The following JAK1 variants were observed in gnomAD, a reference collection of about 807,000 sequenced individuals.
The protein encoded by JAK1 is tyrosine-protein kinase JAK1.
Under a neutral mutation model 136.6 loss-of-function variants are expected in JAK1, and 16 were observed. The observed-to-expected ratio is 0.12, with a 90% confidence interval of 0.08 to 0.18. JAK1 has a LOEUF of 0.18. Among genes scored for constraint, JAK1 ranks in the 10% least tolerant of loss-of-function variants. The probability of loss-of-function intolerance (pLI) is 1.00; values close to 1 mark genes in which losing one functional copy is unlikely to be tolerated. For synonymous variants in JAK1, 492 were observed against 519.5 expected (o/e 0.95, Z 0.72); for missense variants, 859 against 1,450.1 (o/e 0.59, Z 6.62).
At chr1:64,994,974 A>AAAAAAAAACAAAAAAAAC (rs1557749011) in intron 2 of JAK1, 15 of 151,526 alleles carry the variant, frequency 9.9e-5, no homozygotes, top group African/African-American at 3.4e-4. Context: ...AAAAAAAAAA[A>AAAAAAAAACAAAAAAAAC]AAAAAAACCT....
upstream of JAK1, among the ~76,000 whole-genome samples, chr1:64,968,377 G>T (rs947871437): frequency 2.0e-5 from 3 of 152,140 alleles, no homozygotes; most frequent in African/African-American, 7.2e-5. Flanking sequence ...AGTGATTCCC[G>T]GTCCTGTAAT....
At chr1:64,936,354 A>C (rs1645789281) in intron 1 of JAK1, among the ~76,000 whole-genome samples, 1 of 152,220 alleles carries the variant, frequency 6.6e-6, no homozygotes, top group African/African-American at 2.4e-5. Context: ...TTTGGTATTT[A>C]AGATAAAAAT....
intron 2 of JAK1, among the ~76,000 whole-genome samples, chr1:65,027,193 C>T (rs1646985599): frequency 6.6e-6 from 1 of 151,496 alleles, no homozygotes; most frequent in Non-Finnish European, 1.5e-5. Flanking sequence ...ACTACAGGTG[C>T]ACACCACCAC....
chr1:64,985,935 G>A, intron 2 of JAK1: 2 of 883,342 alleles, frequency 2.3e-6, no homozygotes, highest in Admixed American at 1.8e-5. Context: ...CATCTCAGAG[G>A]GAGGGGTATT....
intron 1 of JAK1, among the ~76,000 whole-genome samples, chr1:64,917,107 C>T (rs1346380423): frequency 6.6e-6 from 1 of 151,932 alleles, no homozygotes. Flanking sequence ...TGGGAAATTT[C>T]ATAACATTGG....
At chr1:65,010,928 T>C (rs569788754) in intron 2 of JAK1, among the ~76,000 whole-genome samples, 2 of 152,224 alleles carry the variant, frequency 1.3e-5, no homozygotes, top group South Asian at 2.1e-4. Flanking sequence ...TTTGTGGCTG[T>C]AGTGAGCTAT....
chr1:65,022,263 T>C (rs1048767251), intron 2 of JAK1, among the ~76,000 whole-genome samples: 5 of 152,250 alleles, frequency 3.3e-5, no homozygotes, highest in Non-Finnish European at 7.3e-5. Flanking sequence ...TTGTGTAATG[T>C]CCCCTCTCCT....
intron 1 of JAK1, among the ~76,000 whole-genome samples, chr1:64,965,092 T>C (rs1045337288): frequency 1.3e-5 from 2 of 152,010 alleles, no homozygotes; most frequent in African/African-American, 4.8e-5. Context: ...ATACCCATAT[T>C]TAACTCAAAT....
At chr1:65,053,384 T>A (rs1293541564) in intron 1 of JAK1, among the ~76,000 whole-genome samples, 3 of 152,062 alleles carry the variant, frequency 2.0e-5, no homozygotes, top group Admixed American at 6.6e-5. Flanking sequence ...CTGGTAATGG[T>A]GAAGACAAAG....
intron 1 of JAK1, among the ~76,000 whole-genome samples, chr1:64,950,597 T>C (rs1441990772): frequency 3.3e-5 from 5 of 152,288 alleles, no homozygotes; most frequent in African/African-American, 1.2e-4. Context: ...ACTGAGCACC[T>C]AGAACATCTC....
chr1:65,048,770 C>T (rs1379198147), intron 1 of JAK1, among the ~76,000 whole-genome samples: 4 of 152,198 alleles, frequency 2.6e-5, no homozygotes, highest in East Asian at 1.9e-4. Flanking sequence ...TCTGTAGCGT[C>T]GTCCCTTTGC....
At chr1:64,865,546 G>A (rs1238522145) in intron 7 of JAK1, among the ~76,000 whole-genome samples, 1 of 152,184 alleles carries the variant, frequency 6.6e-6, no homozygotes, top group African/African-American at 2.4e-5. Flanking sequence ...TTAAGTTCCT[G>A]CCTCTGCCAA....
At chr1:64,874,104 A>G (rs1289976600) in intron 4 of JAK1, among the ~76,000 whole-genome samples, 1 of 152,136 alleles carries the variant, frequency 6.6e-6, no homozygotes, top group Non-Finnish European at 1.5e-5. Context: ...CTTTATATAT[A>G]TTATGTTATT....
chr1:64,910,290 T>C (rs1270248734), intron 1 of JAK1, among the ~76,000 whole-genome samples: 1 of 152,042 alleles, frequency 6.6e-6, no homozygotes, highest in Non-Finnish European at 1.5e-5. Flanking sequence ...GCTTTCCACA[T>C]AGACATTAAG....
chr1:65,002,885 C>T (rs1193811658), intron 2 of JAK1, among the ~76,000 whole-genome samples: 4 of 152,324 alleles, frequency 2.6e-5, no homozygotes, highest in African/African-American at 7.2e-5. Context: ...CGGGAGGGGA[C>T]GCACGCACGC....
chr1:64,917,988 G>C (rs1645428407), intron 1 of JAK1, among the ~76,000 whole-genome samples: 1 of 152,182 alleles, frequency 6.6e-6, no homozygotes, highest in African/African-American at 2.4e-5. Flanking sequence ...TTCAACCAGA[G>C]ACCATGAAGC....
At chr1:64,972,162 C>G (rs1345668985) in intron 2 of JAK1, 2 of 152,200 alleles carry the variant, frequency 1.3e-5, no homozygotes, top group Admixed American at 6.5e-5. Flanking sequence ...ATTCCCCCTA[C>G]CTACTCTTCC....
chr1:65,021,500 G>A (rs1435558007), intron 2 of JAK1, among the ~76,000 whole-genome samples: 1 of 152,122 alleles, frequency 6.6e-6, no homozygotes, highest in African/African-American at 2.4e-5. Context: ...AAGTAGATTT[G>A]GAGAGACCCA....
At chr1:64,865,009 T>C (rs1276185102) in intron 7 of JAK1, 37 bp from the exon 8 acceptor site, 11 of 1,519,398 alleles carry the variant, frequency 7.2e-6, no homozygotes, top group African/African-American at 5.5e-5. Context: ...GTTAAGTTGC[T>C]TTCTTCATTT....
Sources: allele counts gnomAD v4.1 joint callset (sites outside exome capture counted in the v4.1 genomes callset), GRCh38; gene constraint gnomAD v4.1.1; transcripts MANE v1.5; gene names NCBI Gene and HGNC (gene_info 2026-07-23, HGNC 2026-07-21).